FBXL17: variants seen among roughly 807,000 people sequenced by gnomAD.
FBXL17 encodes F-box/LRR-repeat protein 17.
A neutral mutation model predicts 66.2 loss-of-function variants in FBXL17; 22 were observed. The ratio of observed to expected loss-of-function variants is 0.33; its 90% confidence interval spans 0.24 to 0.47. The LOEUF (loss-of-function observed/expected upper bound fraction) is 0.47. Among genes scored for constraint, FBXL17 ranks in the 20% least tolerant of loss-of-function variants. The pLI is 1.00. For missense variants in FBXL17, 878 were observed against 948.2 expected (o/e 0.93, Z 0.97); for synonymous variants, 474 against 400.5 (o/e 1.18, Z -2.19).
At chr5:108,063,205 G>A (rs886762637) in intron 6 of FBXL17, among the ~76,000 whole-genome samples, 18 of 152,172 alleles carry the variant, frequency 1.2e-4, no homozygotes, top group Admixed American at 9.8e-4. Flanking sequence ...TGTACAAAGA[G>A]GAGGCACTGT....
Position 108,032,067 on chromosome 5 carries a change from C to A in FBXL17, c.1746-11066G>T, listed in dbSNP as rs115773150. Among the ~76,000 whole-genome samples, 880 of 152,216 alleles carry A rather than the reference C, an allele frequency of 5.8e-3. 2 individuals carry two copies. Among genetic ancestry groups the A allele is most frequent in the Non-Finnish European group, 0.011 (729 of 67,986 alleles). On this transcript the variant is annotated intron_variant, in intron 6 of 8. Coordinates refer to ENST00000542267, the MANE Select transcript of FBXL17 (RefSeq NM_001163315.3). ...GATACAAAGACAGATAAATCTCTTC[C>A]CAAAGGGAATTCACAATCTTCTCAA...
chr5:107,871,471 A>G (rs1748452163), intron 8 of FBXL17, among the ~76,000 whole-genome samples: 1 of 152,182 alleles, frequency 6.6e-6, no homozygotes, highest in Admixed American at 6.5e-5. Context: ...AGAGAGAAAA[A>G]TTAGTGACAT....
chr5:108,257,404 T>C (rs570492508), intron 4 of FBXL17, among the ~76,000 whole-genome samples: 1 of 152,296 alleles, frequency 6.6e-6, no homozygotes, highest in South Asian at 2.1e-4. Context: ...AAACACAGAA[T>C]TGATTAAATC....
At chr5:108,023,566 A>G (rs1245407034) in intron 6 of FBXL17, among the ~76,000 whole-genome samples, 2 of 152,048 alleles carry the variant, frequency 1.3e-5, no homozygotes, top group East Asian at 3.9e-4. Flanking sequence ...TCATGATGAG[A>G]GATTGTGGGT....
chr5:108,133,854 T>C (rs1751030981), intron 6 of FBXL17, among the ~76,000 whole-genome samples: 1 of 152,114 alleles, frequency 6.6e-6, no homozygotes, highest in South Asian at 2.1e-4. Context: ...GTCAAATGAG[T>C]TGGCACACGT....
At chr5:108,136,264 T>G (rs1751129448) in intron 6 of FBXL17, among the ~76,000 whole-genome samples, 2 of 152,138 alleles carry the variant, frequency 1.3e-5, no homozygotes, top group Non-Finnish European at 2.9e-5. Context: ...TAATGTTCCT[T>G]GAATCACTCA....
chr5:108,311,467 C>T (rs7710598), intron 4 of FBXL17, among the ~76,000 whole-genome samples: 7,585 of 152,160 alleles, frequency 0.05, 627 homozygotes, highest in African/African-American at 0.17. Context: ...CTGCCACACC[C>T]GGCCTTCTTA....
At chr5:107,975,663 G>A (rs1752549594) in intron 7 of FBXL17, among the ~76,000 whole-genome samples, 1 of 152,020 alleles carries the variant, frequency 6.6e-6, no homozygotes, top group Non-Finnish European at 1.5e-5. Context: ...TCATTGTAAT[G>A]GCATTAGGAT....
chr5:108,122,517 T>A (rs1750542923), intron 6 of FBXL17, among the ~76,000 whole-genome samples: 1 of 152,238 alleles, frequency 6.6e-6, no homozygotes, highest in Non-Finnish European at 1.5e-5. Flanking sequence ...GACTTATGTT[T>A]TATGGTAACT....
At chr5:108,336,087 T>TC (rs1165366191) in intron 4 of FBXL17, among the ~76,000 whole-genome samples, 1 of 152,136 alleles carries the variant, frequency 6.6e-6, no homozygotes, top group African/African-American at 2.4e-5. Flanking sequence ...GACATTCTTT[T>TC]CCCATTTTTG....
At chr5:108,273,507 G>A (rs1343710359) in intron 4 of FBXL17, among the ~76,000 whole-genome samples, 1 of 151,838 alleles carries the variant, frequency 6.6e-6, no homozygotes, top group East Asian at 1.9e-4. Context: ...GATAAATGAG[G>A]GAGAAACTAT....
Position 108,113,847 on chromosome 5 carries a change from A to G in FBXL17, c.1745+72270T>C, listed in dbSNP as rs574744450. On this transcript the variant is annotated intron_variant, in intron 6 of 8. Transcript: ENST00000542267. ...CCTAAACACTACACTTGAAATAGTC[A>G]TGCCAGGAATGAAGCTGTGTGTAAC... 2.2e-4 allele frequency among the ~76,000 whole-genome samples: 34 copies of G among 152,336 alleles called. No homozygotes were observed. The South Asian group carries it at 6.8e-3, about 31-fold the overall frequency.
intron 6 of FBXL17, among the ~76,000 whole-genome samples, chr5:108,053,848 C>T (rs1747579476): frequency 6.6e-6 from 1 of 152,112 alleles, no homozygotes; most frequent in African/African-American, 2.4e-5. Context: ...ATACCAAAGT[C>T]ATAGAACCAA....
intron 4 of FBXL17, among the ~76,000 whole-genome samples, chr5:108,301,683 A>G (rs1205765708): frequency 1.3e-5 from 2 of 151,828 alleles, no homozygotes; most frequent in Non-Finnish European, 2.9e-5. Flanking sequence ...AAATTTTAAC[A>G]TTCCTGGAAA....
At chr5:108,160,092 G>A (rs1181004908) in intron 6 of FBXL17, among the ~76,000 whole-genome samples, 1 of 152,168 alleles carries the variant, frequency 6.6e-6, no homozygotes, top group Non-Finnish European at 1.5e-5. Context: ...GGGCTAACCA[G>A]TGATTTGGAG....
rs1357648799 is a variant in FBXL17, at chr5:107,860,957, TG to T, written c.*762del. The T allele has an allele frequency of 6.6e-6, 1 of 152,192 alleles. No homozygotes were observed. Among genetic ancestry groups the T allele is most frequent in the Non-Finnish European group, 1.5e-5 (1 of 68,024 alleles). 9.4% of individuals were successfully genotyped at this position (152,192 alleles called of 1,614,324 possible). A position where few individuals can be genotyped will look rare whatever the true frequency, so the allele number is the denominator to read the frequency against. ...ATCCAGGAAATAAAAGCTAACACAATGTTAACATAAAACCAACTAAAATATT... is the reference window on the plus strand; with the variant it reads ...ATCCAGGAAATAAAAGCTAACACAATTTAACATAAAACCAACTAAAATATT... On this transcript the variant is annotated 3_prime_UTR_variant, in exon 9 of 9. Transcript: ENST00000542267.
In FBXL17 at chr5:108,364,824, T is replaced by C. The variant is rs1171359793; in HGVS notation, c.1288A>G (p.Ile430Val). 15 of 1,613,032 alleles carry C rather than the reference T, an allele frequency of 9.3e-6. No individual in the cohort carries two copies. Among genetic ancestry groups the C allele is most frequent in the South Asian group, 5.5e-5 (5 of 91,042 alleles). ...YRCKQLSDTS[I>V]IAVASHCPLL... is the part of the protein sequence containing the mutation. ...GGACAGTGAGAGGCAACCGCAATAA[T>C]AGAGGTGTCAGAAAGCTGTTTACAC... Residue 430 changes from isoleucine to valine, a missense_variant, in exon 3 of 9, where the codon ATT becomes GTT. Ile to Val is a conservative substitution (Grantham distance 29, BLOSUM62 3). This residue lies in a region of FBXL17 where 236 missense variants were observed against 389.1 expected (regional missense o/e 0.61). Coordinates refer to ENST00000542267, the MANE Select transcript of FBXL17 (RefSeq NM_001163315.3).
intron 4 of FBXL17, among the ~76,000 whole-genome samples, chr5:108,288,361 C>T (rs1350132919): frequency 2.7e-5 from 4 of 150,760 alleles, no homozygotes; most frequent in Non-Finnish European, 5.9e-5. Context: ...GAAATTAGCA[C>T]ATGCTATTGA....
intron 6 of FBXL17, among the ~76,000 whole-genome samples, chr5:108,060,718 TC>T (rs1175147763): frequency 4.0e-5 from 6 of 151,590 alleles, no homozygotes; most frequent in East Asian, 1.9e-4. Flanking sequence ...TCTCATTCCA[TC>T]CCCCCCTCCC....
Sources: gnomAD v4.1 joint callset for allele counts (sites outside exome capture counted in the v4.1 genomes callset) on GRCh38, gnomAD v4.1.1 for gene constraint, gnomAD v4.1.1 regional missense constraint, MANE v1.5 for transcripts, NCBI Gene and HGNC (gene_info 2026-07-23, HGNC 2026-07-21) for gene names.